Variants in DLGAP2 observed in about 807,000 individuals in gnomAD.
The protein encoded by DLGAP2 is disks large-associated protein 2.
In DLGAP2, 26 loss-of-function variants were observed where a neutral mutation model predicts 100.3. The ratio of observed to expected loss-of-function variants is 0.26; its 90% CI spans 0.19 to 0.36. DLGAP2 has a LOEUF of 0.36. Among genes scored for constraint, DLGAP2 ranks in the 10% least tolerant of loss-of-function variants. DLGAP2 has a pLI of 1.00. For missense variants in DLGAP2, 1,858 were observed against 1,453.2 expected, an observed-to-expected ratio of 1.28 and a Z score of -4.53; for synonymous variants, 886 against 630.1, an observed-to-expected ratio of 1.41 and a Z score of -6.08.
At chr8:1,364,719 A>G (rs913128856) in intron 3 of DLGAP2, among the ~76,000 whole-genome samples, 10 of 152,318 alleles carry the variant, frequency 6.6e-5, no homozygotes, top group African/African-American at 2.2e-4. Flanking sequence ...CGTGGGGGAG[A>G]CAGGCCCGAA....
chr8:1,007,635 T>TGG lies in DLGAP2; in HGVS notation c.73+99677_73+99678dup, dbSNP rs58911784. Among the ~76,000 whole-genome samples, 85 of 142,550 alleles carry TGG rather than the reference T, an allele frequency of 6.0e-4. 2 individuals are homozygous for TGG. Among genetic ancestry groups the TGG allele is most frequent in the African/African-American group, 2.1e-3 (77 of 37,548 alleles). 93.5% of individuals were successfully genotyped at this position (142,550 alleles called of 152,430 possible). On this transcript the variant is annotated intron_variant, in intron 2 of 14. Transcript: ENST00000637795. ...CTTCTCTATGGGTAGTTTTTTTTTT[T>TGG]GGGGGGGGGATCTTCTGTGAGTCAA...
chr8:1,417,104 G>GC lies in DLGAP2; in HGVS notation c.107-84262_107-84261insC, dbSNP rs372053770. On this transcript the variant is annotated intron_variant, in intron 3 of 14. Transcript: ENST00000637795. The stretch of plus-strand genomic sequence containing the variant: ...GCGGGGGTGGGGGGATGGGGGGGTG[G>GC]GGGGGAGACCCCCGTTCATTCATTT... Among the ~76,000 whole-genome samples the GC allele has an allele frequency of 4.2e-4, 31 of 74,054 alleles. 2 individuals are homozygous for GC. The highest frequency in any genetic ancestry group is 7.7e-4 in the Non-Finnish European group (29 of 37,424). 48.6% of individuals were successfully genotyped at this position (74,054 alleles called of 152,430 possible).
At chr8:1,098,904 A>G (rs1804489910) in intron 2 of DLGAP2, among the ~76,000 whole-genome samples, 1 of 152,144 alleles carries the variant, frequency 6.6e-6, no homozygotes, top group Non-Finnish European at 1.5e-5. Flanking sequence ...CACACAAATC[A>G]CAGAACGACT....
intron 3 of DLGAP2, among the ~76,000 whole-genome samples, chr8:1,276,300 A>C (rs1164641980): frequency 6.6e-6 from 1 of 151,852 alleles, no homozygotes; most frequent in Non-Finnish European, 1.5e-5. Flanking sequence ...ACACTATGAA[A>C]AGTGATACTT....
intron 4 of DLGAP2, among the ~76,000 whole-genome samples, chr8:1,502,909 C>G (rs1284186784): frequency 6.6e-6 from 1 of 152,136 alleles, no homozygotes; most frequent in African/African-American, 2.4e-5. Flanking sequence ...TCTGCTTGGG[C>G]TCAGGCACAG....
intron 3 of DLGAP2, among the ~76,000 whole-genome samples, chr8:1,324,122 G>T (rs776383820): frequency 7.9e-5 from 12 of 152,142 alleles, no homozygotes; most frequent in Non-Finnish European, 1.6e-4. Context: ...TCCATTGAAG[G>T]GGGAGGAAGA....
Position 1,120,510 on chromosome 8 carries a change from G to A in DLGAP2, c.74-138341G>A, listed in dbSNP as rs532206582. Among the ~76,000 whole-genome samples, 18 of 151,770 alleles carry A rather than the reference G, an allele frequency of 1.2e-4. No individual in the cohort carries two copies. In the South Asian group the frequency reaches 1.9e-3, roughly 16 times the overall value. On this transcript the variant is annotated intron_variant, in intron 2 of 14. Transcript: ENST00000637795. The stretch of plus-strand genomic sequence containing the variant: ...CATAGCCCACAGCCACCCATCCTTC[G>A]GAACCCACAGCTACCCAGCTGCCCA...
intron 2 of DLGAP2, among the ~76,000 whole-genome samples, chr8:1,084,942 G>T (rs571934384): frequency 2.0e-5 from 3 of 152,164 alleles, no homozygotes; most frequent in African/African-American, 4.8e-5. Context: ...AGACACCTTC[G>T]TACTGTTCTC....
At position 1,124,932 on chromosome 8, in the gene DLGAP2, A is replaced by G. The variant is rs115715754; in HGVS notation, c.74-133919A>G. ...CTCAGAAGGCTCTGCCCCTATACCG[A>G]GGAGGCATCGTCCCCCTCATCGCTG... is the stretch of plus-strand genomic sequence containing the variant. On this transcript the variant is annotated intron_variant, in intron 2 of 14. Transcript: ENST00000637795. 5.2e-3 allele frequency among the ~76,000 whole-genome samples: 794 copies of G among 152,256 alleles called. 7 individuals are homozygous for G. Among genetic ancestry groups the G allele is most frequent in the African/African-American group, 0.018 (752 of 41,546 alleles).
chr8:782,372 G>A (rs1821715889), intron 1 of DLGAP2, among the ~76,000 whole-genome samples: 2 of 151,888 alleles, frequency 1.3e-5, no homozygotes, highest in Admixed American at 1.3e-4. Flanking sequence ...GACTGTCTCT[G>A]GAATTGATGA....
At position 887,078 on chromosome 8, in the gene DLGAP2, A is replaced by G. The variant is rs1797937412; in HGVS notation, c.19-20834A>G. ...TTTATTGGGTGCGTATATATTCAGA[A>G]TAGTTAACTCTTCTTGTCGAATTGA... On this transcript the variant is annotated intron_variant, in intron 1 of 14. Transcript: ENST00000637795. 1.3e-5 allele frequency among the ~76,000 whole-genome samples: 2 copies of G among 152,208 alleles called. 1 individual carries two copies. Among genetic ancestry groups the G allele is most frequent in the South Asian group, 4.1e-4 (2 of 4,832 alleles).
At chr8:1,647,619 C>A (rs550665651) in intron 8 of DLGAP2, among the ~76,000 whole-genome samples, 1 of 148,328 alleles carries the variant, frequency 6.7e-6, no homozygotes, top group East Asian at 2.2e-4. Context: ...CTATGAGATT[C>A]ATGCTAACAA....
At chr8:1,502,846 G>A (rs1334047563) in intron 4 of DLGAP2, among the ~76,000 whole-genome samples, 4 of 152,122 alleles carry the variant, frequency 2.6e-5, no homozygotes, top group Non-Finnish European at 4.4e-5. Context: ...TAGCAGCGGC[G>A]CCCACGTGCC....
At chr8:884,482 T>C (rs772043684) in intron 1 of DLGAP2, among the ~76,000 whole-genome samples, 1 of 151,334 alleles carries the variant, frequency 6.6e-6, no homozygotes, top group Non-Finnish European at 1.5e-5. Context: ...TTTTCGATGT[T>C]TTTTTTTTCC....
At chr8:1,133,600 A>C (rs1408839292) in intron 2 of DLGAP2, among the ~76,000 whole-genome samples, 1 of 152,222 alleles carries the variant, frequency 6.6e-6, no homozygotes, top group Non-Finnish European at 1.5e-5. Flanking sequence ...GGACACAAAC[A>C]CTTTGCTCAC....
intron 2 of DLGAP2, among the ~76,000 whole-genome samples, chr8:914,606 G>C (rs1369155987): frequency 1.3e-5 from 2 of 152,336 alleles, no homozygotes; most frequent in East Asian, 1.9e-4. Context: ...ATCCGTTCTG[G>C]GCCGGGCACT....
At chr8:1,080,902 G>A (rs1803785085) in intron 2 of DLGAP2, among the ~76,000 whole-genome samples, 2 of 152,150 alleles carry the variant, frequency 1.3e-5, no homozygotes, top group South Asian at 4.1e-4. Context: ...ATATTGCCTG[G>A]AATTCTACAT....
At chr8:1,282,064 C>A (rs1197715838) in intron 3 of DLGAP2, among the ~76,000 whole-genome samples, 2 of 100,524 alleles carry the variant, frequency 2.0e-5, no homozygotes, top group African/African-American at 8.9e-5. Flanking sequence ...TGACCTGAAC[C>A]CAGCACATGA....
At chr8:1,694,328 G>A (rs1799325289) in intron 13 of DLGAP2, among the ~76,000 whole-genome samples, 1 of 152,194 alleles carries the variant, frequency 6.6e-6, no homozygotes, top group African/African-American at 2.4e-5. Context: ...GCGCAAAGTA[G>A]CACCGCTGTC....
Sources: gnomAD v4.1 joint callset for allele counts (sites outside exome capture counted in the v4.1 genomes callset) on GRCh38, gnomAD v4.1.1 for gene constraint, MANE v1.5 for transcripts, NCBI Gene and HGNC (gene_info 2026-07-23, HGNC 2026-07-21) for gene names.